The following TNS4 variants were observed in gnomAD, a reference collection of about 807,000 sequenced individuals.
TNS4 encodes the protein tensin 4.
A neutral mutation model predicts 70.4 loss-of-function variants in TNS4; 46 were observed. The ratio of observed to expected loss-of-function variants is 0.65; its 90% CI spans 0.52 to 0.84. The LOEUF (loss-of-function observed/expected upper bound fraction) is 0.84, where lower values mean the gene tolerates loss of function less well. Among genes scored for constraint, TNS4 ranks in the 40% least tolerant of loss-of-function variants. The probability of loss-of-function intolerance (pLI) is 0.00; values close to 1 mark genes in which losing one functional copy is unlikely to be tolerated. For missense variants in TNS4, 863 were observed against 907.0 expected (o/e 0.95, Z 0.62); for synonymous variants, 390 against 366.6 (o/e 1.06, Z -0.73).
rs1410617467 is a variant in TNS4 at position 40,479,930 on chromosome 17, T to G, written c.1742-88A>C. ...GGGCCAGGGGAGGGGGTGAGTCTCC[T>G]GTTCAGGAATCCAGTGGAGCTCCTC... On this transcript the variant is annotated intron_variant, in intron 9 of 12. Transcript: ENST00000254051. 3 of 1,440,424 alleles carry G rather than the reference T, an allele frequency of 2.1e-6. No individual in the cohort carries two copies. The African/African-American group carries it at 4.3e-5, about 21-fold the overall frequency. The allele number at this position is 1,440,424 out of a possible 1,614,324, so 89.2% of individuals were successfully genotyped here. A position where few individuals can be genotyped will look rare whatever the true frequency, so the allele number is the denominator to read the frequency against.
chr17:40,500,928 G>A (rs1233255958), intron 1 of TNS4, among the ~76,000 whole-genome samples: 1 of 152,094 alleles, frequency 6.6e-6, no homozygotes, highest in Non-Finnish European at 1.5e-5. Flanking sequence ...AGAGCGCTGG[G>A]AGGCGAGAGG....
chr17:40,477,782 C>A (rs981340560), intron 12 of TNS4, 53 bp from the exon 13 acceptor site: 87 of 1,588,222 alleles, frequency 5.5e-5, no homozygotes, highest in Non-Finnish European at 7.0e-5. Flanking sequence ...AGGCATCAGG[C>A]TGGTGGGAAT....
rs2035866507 is a variant in TNS4 at position 40,477,700 on chromosome 17, G to A, written c.2036C>T (p.Thr679Ile). 1 of 1,613,868 alleles carries A rather than the reference G, an allele frequency of 6.2e-7. No homozygotes were observed. Among genetic ancestry groups the A allele is most frequent in the Non-Finnish European group, 8.5e-7 (1 of 1,179,986 alleles). ...GTGGCATACGTTCTCCTGAGGCTCT[G>A]TCTGGCTCTTGGCCACAAACCCAAA... ...WIFGFVAKSQ[T>I]EPQENVCHLF... The change falls in exon 13 of 13, where the codon ACA (threonine) becomes ATA (isoleucine). Residue 679 changes from threonine (T) to isoleucine (I), a missense_variant. Transcript: ENST00000254051.
Position 40,487,037 on chromosome 17 carries a change from C to G in TNS4, c.1287G>C (p.Glu429Asp). 1 of 1,613,642 alleles carries G rather than the reference C, an allele frequency of 6.2e-7. No individual in the cohort carries two copies. The highest frequency in any genetic ancestry group is 1.1e-5 in the South Asian group (1 of 91,074). Residue 429 changes from glutamate (E) to aspartate (D), a missense_variant and splice_region_variant, in exon 4 of 13, where the codon GAG (glutamate) becomes GAC (aspartate). By Grantham distance (45) the Glu-to-Asp change is conservative. Transcript: ENST00000254051. ...LSDAPFTTCP[E>D]GPARDMQPTM... is the part of the protein sequence containing the mutation. ...TTCAAATATTGGTTTACGACGTACC[C>G]TCTGGGCATGTGGTAAAGGGGGCAT...
intron 3 of TNS4, among the ~76,000 whole-genome samples, chr17:40,488,080 GTGAGGT>G: frequency 6.6e-6 from 1 of 152,236 alleles, no homozygotes; most frequent in African/African-American, 2.4e-5. Context: ...CAGTTCTGCT[GTGAGGT>G]CTATAGAGAA....
chr17:40,479,139 T>TTTCC (rs1186343151), intron 10 of TNS4, among the ~76,000 whole-genome samples: 5 of 151,898 alleles, frequency 3.3e-5, no homozygotes, highest in East Asian at 1.9e-4. Flanking sequence ...GTTAACTCCA[T>TTTCC]TTCCTTCCTT....
chr17:40,488,489 T>A (rs2036021386), intron 3 of TNS4, 57 bp downstream of exon 3: 2 of 1,423,572 alleles, frequency 1.4e-6, no homozygotes, highest in Non-Finnish European at 1.9e-6. Flanking sequence ...TTTTAGGGGG[T>A]GCATGCGTGC....
At chr17:40,485,066 T>C in intron 4 of TNS4, 59 bp from the exon 5 acceptor site, 1 of 1,483,568 alleles carries the variant, frequency 6.7e-7, no homozygotes, top group Non-Finnish European at 9.4e-7. Flanking sequence ...CTGAGGGATG[T>C]TCACCAGAGA....
Position 40,477,583 on chromosome 17 carries a change from C to G in TNS4, c.*5G>C, listed in dbSNP as rs750769441. 5 of 1,613,920 alleles carry G rather than the reference C, an allele frequency of 3.1e-6. No individual in the cohort carries two copies. In the East Asian group the frequency reaches 6.7e-5, roughly 22 times the overall value. On this transcript the variant is annotated 3_prime_UTR_variant, in exon 13 of 13. Coordinates refer to ENST00000254051, the MANE Select transcript of TNS4 (RefSeq NM_032865.6). ...TGTTGGTTAGGTGCACAGGCAGTCT[C>G]TCCCCTACATCCTTTCTGCGTCCTG...
In TNS4 at chr17:40,487,236, G is replaced by C. The variant is rs1300002968; in HGVS notation, c.1088C>G (p.Pro363Arg). Residue 363 changes from proline to arginine, a missense_variant, in exon 4 of 13, where the codon CCA (proline) becomes CGA (arginine). Coordinates refer to ENST00000254051, the MANE Select transcript of TNS4 (RefSeq NM_032865.6). ...GTCCACCATGGAGTTGGTGATGGATGGGGGGCAGCTGCTGGCATGTTCTTT... is the reference window on the plus strand; with the variant it reads ...GTCCACCATGGAGTTGGTGATGGATCGGGGGCAGCTGCTGGCATGTTCTTT... Reference protein sequence around the residue: ...LAKEHASSCPPSITNSMVDIP... With the variant: ...LAKEHASSCPRSITNSMVDIP... The C allele has an allele frequency of 3.1e-6, 5 of 1,614,068 alleles. No individual in the cohort carries two copies. Among genetic ancestry groups the C allele is most frequent in the Admixed American group, 3.3e-5 (2 of 60,002 alleles).
chr17:40,491,841 C>T (rs2036072397), intron 2 of TNS4, among the ~76,000 whole-genome samples: 2 of 151,464 alleles, frequency 1.3e-5, no homozygotes, highest in African/African-American at 2.4e-5. Flanking sequence ...GGAGGGAGGG[C>T]GTGTGGGTGA....
At chr17:40,500,260 C>G (rs2036194903) in intron 1 of TNS4, among the ~76,000 whole-genome samples, 2 of 152,220 alleles carry the variant, frequency 1.3e-5, no homozygotes, top group African/African-American at 2.4e-5. Context: ...AGACCTGGAG[C>G]TGAGCAAAGG....
At chr17:40,493,474 G>A (rs1173529186) in intron 2 of TNS4, among the ~76,000 whole-genome samples, 1 of 152,192 alleles carries the variant, frequency 6.6e-6, no homozygotes, top group Non-Finnish European at 1.5e-5. Flanking sequence ...TTGGGTGCAG[G>A]TGTCTGCTGT....
At chr17:40,497,852 C>G (rs943494692) in intron 1 of TNS4, among the ~76,000 whole-genome samples, 1 of 152,178 alleles carries the variant, frequency 6.6e-6, no homozygotes, top group African/African-American at 2.4e-5. Flanking sequence ...TGGGGAGTGA[C>G]ATCATCAGAT....
At chr17:40,478,460 C>A in intron 11 of TNS4, 120 bp downstream of exon 11, 2 of 1,512,234 alleles carry the variant, frequency 1.3e-6, no homozygotes, top group Non-Finnish European at 1.8e-6. Flanking sequence ...CATTCTGTCA[C>A]CCTGACCCCT....
chr17:40,492,386 T>TG (rs397769963), intron 2 of TNS4, among the ~76,000 whole-genome samples: 4 of 151,726 alleles, frequency 2.6e-5, no homozygotes, highest in Non-Finnish European at 4.4e-5. Flanking sequence ...TTTTTTTTTT[T>TG]GAGACAGGGT....
chr17:40,480,969 C>G (rs964268723), intron 8 of TNS4: 2 of 585,484 alleles, frequency 3.4e-6, no homozygotes, highest in Admixed American at 3.8e-5. Flanking sequence ...AGTTTGCAAC[C>G]CTTTTGATCT....
chr17:40,483,327 A>T (rs1476007028), intron 6 of TNS4, among the ~76,000 whole-genome samples: 1 of 152,004 alleles, frequency 6.6e-6, no homozygotes, highest in Non-Finnish European at 1.5e-5. Context: ...CTGCTGCCTC[A>T]GGCTCCCAAG....
chr17:40,479,725 A>G lies in TNS4; in HGVS notation c.1859T>C (p.Val620Ala). 6.2e-7 allele frequency: 1 copy of G among 1,614,084 alleles called. No homozygotes were observed. The highest frequency in any genetic ancestry group is 8.5e-7 in the Non-Finnish European group (1 of 1,180,016). Residue 620 changes from valine (V) to alanine (A), a missense_variant, in exon 10 of 13, where the codon GTC (valine) becomes GCC (alanine). Physicochemically the swap from Val to Ala is moderately conservative, Grantham distance 64 (BLOSUM62 0). Coordinates refer to ENST00000254051, the MANE Select transcript of TNS4 (RefSeq NM_032865.6). ...GCCCTGCTCTGTGACTTTGAAGTGGACCACGGTGGGCGTGGGGAGGATGTC... is the reference window on the plus strand; with the variant it reads ...GCCCTGCTCTGTGACTTTGAAGTGGGCCACGGTGGGCGTGGGGAGGATGTC... ...ERDILPTPTV[V>A]HFKVTEQGIT...
Sources: gnomAD v4.1 joint callset for allele counts (sites outside exome capture counted in the v4.1 genomes callset) on GRCh38, gnomAD v4.1.1 for gene constraint, MANE v1.5 for transcripts, NCBI Gene and HGNC (gene_info 2026-07-23, HGNC 2026-07-21) for gene names.